Variants in FRMD4A observed in about 807,000 individuals in gnomAD.
FRMD4A encodes the protein FERM domain-containing protein 4A.
A neutral mutation model predicts 129.1 loss-of-function variants in FRMD4A; 29 were observed. The observed-to-expected ratio is 0.22, with a 90% CI of 0.17 to 0.31. FRMD4A has a LOEUF of 0.31. Ranked by LOEUF, FRMD4A falls within the 10% of genes least tolerant of loss-of-function variation. FRMD4A has a pLI of 1.00. For synonymous variants in FRMD4A, 634 were observed against 571.6 expected (o/e 1.11, Z -1.56); for missense variants, 1,272 against 1,375.8 (o/e 0.92, Z 1.19).
chr10:13,711,183 G>A (rs1384502182), intron 12 of FRMD4A, among the ~76,000 whole-genome samples: 1 of 152,230 alleles, frequency 6.6e-6, no homozygotes, highest in African/African-American at 2.4e-5. Flanking sequence ...CCTTGCCCAG[G>A]GCCGGGGTGC....
At chr10:14,251,760 A>G (rs990971414) in intron 2 of FRMD4A, among the ~76,000 whole-genome samples, 5 of 152,094 alleles carry the variant, frequency 3.3e-5, no homozygotes, top group African/African-American at 1.2e-4. Flanking sequence ...CAGCTCCAAC[A>G]CTGATCAGGA....
intron 15 of FRMD4A, among the ~76,000 whole-genome samples, chr10:13,680,431 A>C (rs927987471): frequency 1.3e-5 from 2 of 149,374 alleles, no homozygotes; most frequent in African/African-American, 2.6e-5. Flanking sequence ...GCCCCTTGGA[A>C]ATTAAAAAAA....
chr10:13,952,046 G>A (rs1165882378), intron 2 of FRMD4A, among the ~76,000 whole-genome samples: 1 of 150,760 alleles, frequency 6.6e-6, no homozygotes, highest in Non-Finnish European at 1.5e-5. Flanking sequence ...TTGGGAAGGG[G>A]CTTGTTTCAG....
intron 3 of FRMD4A, among the ~76,000 whole-genome samples, chr10:13,846,519 T>C (rs1450367586): frequency 1.3e-5 from 2 of 152,166 alleles, no homozygotes; most frequent in African/African-American, 4.8e-5. Flanking sequence ...AAAAAGAAGT[T>C]TGAGAATCGT....
At chr10:14,177,241 G>A (rs896580303) in intron 2 of FRMD4A, among the ~76,000 whole-genome samples, 6 of 151,396 alleles carry the variant, frequency 4.0e-5, no homozygotes, top group South Asian at 2.1e-4. Context: ...TCTGTTGCCC[G>A]GGCTGGAGTG....
chr10:13,702,643 A>G (rs138576479), intron 13 of FRMD4A, among the ~76,000 whole-genome samples: 2 of 152,304 alleles, frequency 1.3e-5, no homozygotes, highest in African/African-American at 2.4e-5. Flanking sequence ...CAGAAACAAA[A>G]TGTATGTTCT....
intron 2 of FRMD4A, among the ~76,000 whole-genome samples, chr10:13,888,876 A>G (rs1564980691): frequency 6.6e-6 from 1 of 152,220 alleles, no homozygotes; most frequent in Non-Finnish European, 1.5e-5. Context: ...GAATTCTTCA[A>G]AAGTTATACT....
At chr10:14,206,809 C>CAAAAAAAAAAAT (rs1842794910) in intron 2 of FRMD4A, among the ~76,000 whole-genome samples, 1 of 43,062 alleles carries the variant, frequency 2.3e-5, no homozygotes, top group Non-Finnish European at 3.8e-5. Context: ...GACGCTATCT[C>CAAAAAAAAAAAT]AAAAAAAAAA....
intron 12 of FRMD4A, among the ~76,000 whole-genome samples, chr10:13,722,819 T>A (rs2089549781): frequency 6.6e-6 from 1 of 152,230 alleles, no homozygotes; most frequent in African/African-American, 2.4e-5. Context: ...GTTAGACAGA[T>A]CTCCATGCTG....
intron 2 of FRMD4A, among the ~76,000 whole-genome samples, chr10:14,243,090 A>G (rs1026865586): frequency 2.0e-5 from 3 of 152,182 alleles, no homozygotes; most frequent in Admixed American, 6.5e-5. Context: ...ACACACACAC[A>G]TGCTGGAATA....
chr10:13,933,595 C>T (rs2095222039), intron 2 of FRMD4A, among the ~76,000 whole-genome samples: 1 of 152,194 alleles, frequency 6.6e-6, no homozygotes, highest in Non-Finnish European at 1.5e-5. Context: ...CACTCTATCC[C>T]ACTGGCATAG....
intron 2 of FRMD4A, among the ~76,000 whole-genome samples, chr10:14,263,133 T>G (rs1210011040): frequency 6.6e-6 from 1 of 152,172 alleles, no homozygotes. Flanking sequence ...TTAATGGAAA[T>G]ACAGCCATAA....
chr10:14,324,755 G>T (rs1202230922), intron 2 of FRMD4A, among the ~76,000 whole-genome samples: 1 of 152,160 alleles, frequency 6.6e-6, no homozygotes, highest in Non-Finnish European at 1.5e-5. Flanking sequence ...CTGCCTCCTT[G>T]GTTCAAGTGA....
At chr10:13,965,964 T>A (rs1326489121) in intron 2 of FRMD4A, among the ~76,000 whole-genome samples, 1 of 152,232 alleles carries the variant, frequency 6.6e-6, no homozygotes, top group Non-Finnish European at 1.5e-5. Flanking sequence ...AGTTGTTGGC[T>A]TTCCTACATT....
chr10:13,952,120 T>C (rs971778658), intron 2 of FRMD4A, among the ~76,000 whole-genome samples: 1 of 143,386 alleles, frequency 7.0e-6, no homozygotes. Context: ...TTCCCCATGA[T>C]GTATGTTTTT....
At chr10:13,952,094 T>A (rs909914905) in intron 2 of FRMD4A, among the ~76,000 whole-genome samples, 13 of 151,188 alleles carry the variant, frequency 8.6e-5, no homozygotes, top group Admixed American at 1.3e-4. Flanking sequence ...ATCTCCAAGA[T>A]GAAGGAAGTA....
chr10:14,324,622 A>G (rs1843192286), intron 2 of FRMD4A, among the ~76,000 whole-genome samples: 1 of 151,702 alleles, frequency 6.6e-6, no homozygotes, highest in South Asian at 2.1e-4. Flanking sequence ...TGCATGAACC[A>G]TCATGAAAAC....
At chr10:14,072,503 AG>A (rs1329800466) in intron 2 of FRMD4A, among the ~76,000 whole-genome samples, 1 of 152,236 alleles carries the variant, frequency 6.6e-6, no homozygotes, top group African/African-American at 2.4e-5. Context: ...TGTCTTCTAA[AG>A]CCTAACGCTT....
intron 12 of FRMD4A, among the ~76,000 whole-genome samples, chr10:13,730,538 A>C (rs1472536104): frequency 6.6e-6 from 1 of 151,946 alleles, no homozygotes; most frequent in Non-Finnish European, 1.5e-5. Flanking sequence ...CTTGGGATTT[A>C]CCTCCGGTGC....
Sources: allele counts gnomAD v4.1 joint callset (sites outside exome capture counted in the v4.1 genomes callset), GRCh38; gene constraint gnomAD v4.1.1; transcripts MANE v1.5; gene names NCBI Gene and HGNC (gene_info 2026-07-23, HGNC 2026-07-21).